The following QTGAL variants were observed in gnomAD, a reference collection of about 807,000 sequenced individuals.
QTGAL encodes queuosine-tRNA galactosyltransferase.
At chr17:82,995,619 A>G in the QTGAL span, among the ~76,000 whole-genome samples, 175 of 152,190 alleles carry the variant, frequency 1.1e-3, no homozygotes, top group African/African-American at 4.0e-3. Context: ...TCCTGACCTC[A>G]TGATCCACCC....
chr17:82,973,553 T>C, the QTGAL span, among the ~76,000 whole-genome samples: 2 of 143,770 alleles, frequency 1.4e-5, no homozygotes, highest in Non-Finnish European at 3.1e-5. Context: ...GGCTCTCACC[T>C]GGCACCTGGT....
At chr17:82,950,693 G>C in the QTGAL span, among the ~76,000 whole-genome samples, 4 of 152,244 alleles carry the variant, frequency 2.6e-5, no homozygotes, top group Non-Finnish European at 5.9e-5. Context: ...TGGACCCACG[G>C]TCTGCAGAAC....
chr17:82,959,879 T>C, the QTGAL span, among the ~76,000 whole-genome samples: 1 of 152,218 alleles, frequency 6.6e-6, no homozygotes, highest in South Asian at 2.1e-4. Context: ...ATCTTCATTT[T>C]TCACATTTTA....
the QTGAL span, among the ~76,000 whole-genome samples, chr17:83,018,620 C>G: frequency 2.0e-5 from 3 of 152,172 alleles, no homozygotes; most frequent in African/African-American, 7.2e-5. Context: ...TTGGATAGAA[C>G]GCCTCATCCA....
chr17:83,004,849 G>A, the QTGAL span, among the ~76,000 whole-genome samples: 1 of 151,704 alleles, frequency 6.6e-6, no homozygotes, highest in Non-Finnish European at 1.5e-5. Context: ...CCCGCCCTCC[G>A]CGTGTAAGTG....
chr17:82,987,476 G>A, the QTGAL span, among the ~76,000 whole-genome samples: 28 of 152,192 alleles, frequency 1.8e-4, no homozygotes, highest in Non-Finnish European at 3.2e-4. Flanking sequence ...AACGGTTAAT[G>A]AGCAGATGAA....
the QTGAL span, chr17:83,051,758 G>A: frequency 1.3e-6 from 2 of 1,497,800 alleles, no homozygotes; most frequent in East Asian, 2.8e-5. Flanking sequence ...GCATGGCCTG[G>A]CTCTCCTCGG....
the QTGAL span, among the ~76,000 whole-genome samples, chr17:83,032,480 C>T: frequency 4.4e-5 from 5 of 114,644 alleles, no homozygotes; most frequent in African/African-American, 3.7e-5. Context: ...GCCAGGCCTC[C>T]GACGCAGACC....
chr17:83,015,144 C>T, the QTGAL span, among the ~76,000 whole-genome samples: 1 of 150,416 alleles, frequency 6.6e-6, no homozygotes, highest in Non-Finnish European at 1.5e-5. This position sits in a 1 kb window ranked among gnomAD's most constrained non-coding sequence, Gnocchi z 4.4. Flanking sequence ...GGACCTGCCA[C>T]CACTGTGGAG....
At chr17:82,985,970 G>A in the QTGAL span, among the ~76,000 whole-genome samples, 1 of 152,206 alleles carries the variant, frequency 6.6e-6, no homozygotes, top group Non-Finnish European at 1.5e-5. Context: ...CTCCTCAGGA[G>A]GGTCCGGGCC....
chr17:82,963,037 G>T, the QTGAL span, among the ~76,000 whole-genome samples: 1 of 152,188 alleles, frequency 6.6e-6, no homozygotes, highest in African/African-American at 2.4e-5. Context: ...CTGGCGGGGC[G>T]CAGGGAGAGG....
chr17:82,967,624 T>C, the QTGAL span, among the ~76,000 whole-genome samples: 1 of 152,008 alleles, frequency 6.6e-6, no homozygotes, highest in Admixed American at 6.6e-5. Flanking sequence ...GAAATACCAT[T>C]GCACCCTCTA....
chr17:82,993,173 G>C, the QTGAL span, among the ~76,000 whole-genome samples: 1 of 152,218 alleles, frequency 6.6e-6, no homozygotes, highest in South Asian at 2.1e-4. Flanking sequence ...AAAAGACATA[G>C]AGTGGCTGAA....
chr17:82,988,184 A>C, the QTGAL span, among the ~76,000 whole-genome samples: 1 of 152,156 alleles, frequency 6.6e-6, no homozygotes, highest in African/African-American at 2.4e-5. Flanking sequence ...AAGATGATGA[A>C]GTTTTCTAAA....
the QTGAL span, among the ~76,000 whole-genome samples, chr17:83,032,542 A>ACCGAG: frequency 1.1e-3 from 163 of 151,584 alleles, 45 homozygotes; most frequent in African/African-American, 3.8e-3. Context: ...TCCGACCCAG[A>ACCGAG]CTGAGCTCAG....
the QTGAL span, among the ~76,000 whole-genome samples, chr17:83,001,042 G>C: frequency 6.6e-6 from 1 of 152,216 alleles, no homozygotes; most frequent in Non-Finnish European, 1.5e-5. Context: ...CTGGGGTACA[G>C]ACACATGTCA....
chr17:82,958,620 AC>A, the QTGAL span, among the ~76,000 whole-genome samples: 1 of 151,972 alleles, frequency 6.6e-6, no homozygotes, highest in Non-Finnish European at 1.5e-5. Flanking sequence ...GGATGGGGGG[AC>A]ACGGGGTCCC....
chr17:82,954,068 C>G, the QTGAL span, among the ~76,000 whole-genome samples: 1 of 152,148 alleles, frequency 6.6e-6, no homozygotes, highest in Non-Finnish European at 1.5e-5. Context: ...TAGAAGCATT[C>G]CCTTTGAAAA....
At chr17:83,046,755 A>C in the QTGAL span, among the ~76,000 whole-genome samples, 1 of 152,252 alleles carries the variant, frequency 6.6e-6, no homozygotes, top group Non-Finnish European at 1.5e-5. Flanking sequence ...ACCAGTGTTC[A>C]AACAACAACT....
Sources: gnomAD v4.1 joint callset for allele counts (sites outside exome capture counted in the v4.1 genomes callset) on GRCh38, gnomAD v4.1.1 for gene constraint, Gnocchi (gnomAD v3.1) non-coding constraint, MANE v1.5 for transcripts, NCBI Gene and HGNC (gene_info 2026-07-23, HGNC 2026-07-21) for gene names.